The following CD320 variants were observed in gnomAD, a reference collection of about 807,000 sequenced individuals.
CD320 encodes the protein CD320 antigen.
A neutral mutation model predicts 22.1 loss-of-function variants in CD320; 16 were observed. That is an observed-to-expected ratio of 0.73 (90% CI 0.49 to 1.10). The LOEUF (loss-of-function observed/expected upper bound fraction) is 1.10, where lower values mean the gene tolerates loss of function less well. CD320 is among the 50% of genes least tolerant of loss of function. The probability of loss-of-function intolerance (pLI) is 0.00; values close to 1 mark genes in which losing one functional copy is unlikely to be tolerated. For synonymous variants in CD320, 188 were observed against 167.8 expected, an observed-to-expected ratio of 1.12 and a Z score of -0.93; for missense variants, 388 against 376.9, an observed-to-expected ratio of 1.03 and a Z score of -0.24.
chr19:8,302,588 G>A lies in CD320; in HGVS notation c.724C>T (p.Leu242=). 1 of 1,613,776 alleles carries A rather than the reference G, an allele frequency of 6.2e-7. No homozygotes were observed. Among genetic ancestry groups the A allele is most frequent in the South Asian group, 1.1e-5 (1 of 91,078 alleles). Residue 242 remains leucine (L), a synonymous_variant, in exon 5 of 5, where the codon CTG becomes TTG. Coordinates refer to ENST00000301458, the MANE Select transcript of CD320 (RefSeq NM_016579.4). The part of the protein sequence containing the change: ...IAAAAVLSAS[L]VTATLLLLSW... The stretch of plus-strand genomic sequence containing the variant: ...AAAAGGAGGAGGGTGGCGGTGACCA[G>A]GCTTGCACTGAGCACCGCTGTGGGG...
chr19:8,308,304 C>G lies in CD320; in HGVS notation c.-14G>C, dbSNP rs201418546. 5.5e-4 allele frequency: 874 copies of G among 1,583,948 alleles called. No homozygotes were observed. Among genetic ancestry groups the G allele is most frequent in the Non-Finnish European group, 7.0e-4 (824 of 1,172,332 alleles). ...ACCGCCGCTCATGCTGTCCCCACAGCGGCGCCGGCCACGCGCTGTCCAGAC... is the reference window on the plus strand; with the variant it reads ...ACCGCCGCTCATGCTGTCCCCACAGGGGCGCCGGCCACGCGCTGTCCAGAC... On this transcript the variant is annotated 5_prime_UTR_variant, in exon 1 of 5. Coordinates refer to ENST00000301458, the MANE Select transcript of CD320 (RefSeq NM_016579.4).
chr19:8,307,109 T>C (rs1309339774), intron 1 of CD320, among the ~76,000 whole-genome samples: 1 of 151,880 alleles, frequency 6.6e-6, no homozygotes, highest in Admixed American at 6.6e-5. Flanking sequence ...CTGGCCAACA[T>C]GGTGAAACCC....
intron 1 of CD320, among the ~76,000 whole-genome samples, chr19:8,307,291 A>AC (rs1970103717): frequency 6.6e-6 from 1 of 151,930 alleles, no homozygotes; most frequent in African/African-American, 2.4e-5. Context: ...TCAAAAAAAA[A>AC]AAAACAAAAA....
chr19:8,305,714 A>G (rs1463969333), intron 1 of CD320: 1 of 153,830 alleles, frequency 6.5e-6, no homozygotes, highest in Non-Finnish European at 1.4e-5. Flanking sequence ...ACCACAAAAA[A>G]GAAAAAAAAA....
At chr19:8,306,486 A>G (rs889795572) in intron 1 of CD320, among the ~76,000 whole-genome samples, 1 of 152,174 alleles carries the variant, frequency 6.6e-6, no homozygotes, top group African/African-American at 2.4e-5. Flanking sequence ...GGGACAGAGG[A>G]AGGGAGTGGC....
At chr19:8,307,612 T>A (rs1296625329) in intron 1 of CD320, among the ~76,000 whole-genome samples, 1 of 152,036 alleles carries the variant, frequency 6.6e-6, no homozygotes, top group East Asian at 1.9e-4. Context: ...ATATTCAACT[T>A]GTGACCCCAG....
chr19:8,308,119 T>A (rs939814644), intron 1 of CD320, 30 bp downstream of exon 1: 1 of 1,466,188 alleles, frequency 6.8e-7, no homozygotes, highest in Non-Finnish European at 8.9e-7. Flanking sequence ...TCGCGAGGGG[T>A]GGGAGCCCGC....
rs778887130 is a variant in CD320, at chr19:8,302,828, C to A, written c.655G>T (p.Ala219Ser). The A allele has an allele frequency of 3.1e-6, 5 of 1,614,114 alleles. No homozygotes were observed. Among genetic ancestry groups the A allele is most frequent in the Non-Finnish European group, 4.2e-6 (5 of 1,179,996 alleles). ...PSVGNATSSSAGDQSGSPTAY... is the reference protein window; with the variant it reads ...PSVGNATSSSSGDQSGSPTAY... ...GTTGGGCTTCCAGACTGGTCTCCGG[C>A]AGAGGAGGATGTGGCATTCCCGACA... Residue 219 changes from alanine (A) to serine (S), a missense_variant, in exon 4 of 5, where the codon GCC becomes TCC. Transcript: ENST00000301458.
Position 8,308,258 on chromosome 19 carries a change from C to A in CD320, c.33G>T (p.Ala11=), listed in dbSNP as rs968474958. 3.4e-5 allele frequency: 54 copies of A among 1,583,716 alleles called. No homozygotes were observed. The highest frequency in any genetic ancestry group is 4.5e-5 in the Non-Finnish European group (53 of 1,171,278). The change falls in exon 1 of 5, where the codon GCG becomes GCT. Residue 11 remains alanine, a synonymous_variant. Coordinates refer to ENST00000301458, the MANE Select transcript of CD320 (RefSeq NM_016579.4). MSGGWMAQVG[A]WRTGALGLAL... The stretch of plus-strand genomic sequence containing the variant: ...CCAGGCCCAGAGCCCCTGTTCGCCA[C>A]GCTCCAACCTGCGCCATCCAACCGC...
rs560667239 is a variant in CD320, at chr19:8,307,295, A to C, written c.142+854T>G. Reference sequence around the variant, plus strand: ...CAGAGGGAGACTCAAAAAAAAAAAAACAAAAACTTTTGTACTTGGTTAACG... The same window carrying C: ...CAGAGGGAGACTCAAAAAAAAAAAACCAAAAACTTTTGTACTTGGTTAACG... On this transcript the variant is annotated intron_variant, in intron 1 of 4. Transcript: ENST00000301458. 7.0e-3 allele frequency among the ~76,000 whole-genome samples: 1,054 copies of C among 151,152 alleles called. 23 individuals are homozygous for C. Among genetic ancestry groups the C allele is most frequent in the African/African-American group, 0.024 (992 of 40,772 alleles).
Position 8,302,530 on chromosome 19 carries a change from G to A in CD320, c.782C>T (p.Pro261Leu), listed in dbSNP as rs747832157. Residue 261 changes from proline to leucine, a missense_variant, in exon 5 of 5, where the codon CCA (proline) becomes CTA (leucine). By Grantham distance (98) the Pro-to-Leu change is moderately conservative. Coordinates refer to ENST00000301458, the MANE Select transcript of CD320 (RefSeq NM_016579.4). ...CTTCATGGCCACCAGTAACCCCAGT[G>A]GGCGGAGGCGCTCCTGGGCTCGGAG... is the stretch of plus-strand genomic sequence containing the variant. Reference protein sequence around the residue: ...SWLRAQERLRPLGLLVAMKES... With the variant: ...SWLRAQERLRLLGLLVAMKES... 4 of 1,614,028 alleles carry A rather than the reference G, an allele frequency of 2.5e-6. No individual in the cohort carries two copies. Among genetic ancestry groups the A allele is most frequent in the Admixed American group, 3.3e-5 (2 of 60,020 alleles).
intron 1 of CD320, among the ~76,000 whole-genome samples, chr19:8,307,002 G>GA (rs970697913): frequency 3.4e-4 from 51 of 152,026 alleles, no homozygotes; most frequent in Admixed American, 3.3e-4. Context: ...AACATCCTGA[G>GA]AAAAAAGAGA....
intron 1 of CD320, 93 bp downstream of exon 1, chr19:8,308,056 T>A (rs1970120278): frequency 1.6e-6 from 2 of 1,239,152 alleles, no homozygotes; most frequent in Non-Finnish European, 2.1e-6. Flanking sequence ...TGAACTGACG[T>A]GCGGTGCAGC....
chr19:8,302,666 C>G (rs1970026519), intron 4 of CD320, 61 bp from the exon 5 acceptor site: 1 of 1,606,942 alleles, frequency 6.2e-7, no homozygotes, highest in African/African-American at 1.3e-5. Context: ...CCACACCCAC[C>G]AAGCTCCATA....
At position 8,308,258 on chromosome 19, in the gene CD320, C is replaced by T. The variant is rs968474958; in HGVS notation, c.33G>A (p.Ala11=). Residue 11 remains alanine (A), a synonymous_variant, in exon 1 of 5, where the codon GCG becomes GCA. Transcript: ENST00000301458. ...CCAGGCCCAGAGCCCCTGTTCGCCA[C>T]GCTCCAACCTGCGCCATCCAACCGC... The part of the protein sequence containing the change: MSGGWMAQVG[A]WRTGALGLAL... The T allele has an allele frequency of 1.3e-6, 2 of 1,583,836 alleles. No individual in the cohort carries two copies. Among genetic ancestry groups the T allele is most frequent in the East Asian group, 4.6e-5 (2 of 43,950 alleles).
intron 3 of CD320, 41 bp from the exon 4 acceptor site, chr19:8,303,021 C>A (rs545972688): frequency 1.3e-5 from 21 of 1,576,116 alleles, no homozygotes; most frequent in Non-Finnish European, 1.7e-5. Flanking sequence ...GGAGAGAGCA[C>A]TGAAGGCGTG....
In CD320 at chr19:8,304,099, G is replaced by C; in HGVS notation, c.269-11C>G. On this transcript the variant is annotated splice_polypyrimidine_tract_variant and intron_variant, in intron 2 of 4. Coordinates refer to ENST00000301458, the MANE Select transcript of CD320 (RefSeq NM_016579.4). Reference sequence around the variant, plus strand: ...TACATGGCTCAATCCCTGGGGCACAGGGTTGGTCAGGTCCCAAATGCCCAC... The same window carrying C: ...TACATGGCTCAATCCCTGGGGCACACGGTTGGTCAGGTCCCAAATGCCCAC... 7.0e-7 allele frequency: 1 copy of C among 1,428,890 alleles called. No homozygotes were observed. The highest frequency in any genetic ancestry group is 9.7e-7 in the Non-Finnish European group (1 of 1,035,272). 88.5% of individuals were successfully genotyped at this position (1,428,890 alleles called of 1,614,324 possible).
intron 4 of CD320, 85 bp downstream of exon 4, chr19:8,302,692 G>A: frequency 1.2e-6 from 2 of 1,601,626 alleles, no homozygotes; most frequent in Non-Finnish European, 8.6e-7. Flanking sequence ...GGGGATGGGA[G>A]TTCTGCAGCT....
chr19:8,304,969 C>T, intron 2 of CD320, 62 bp downstream of exon 2: 8 of 1,587,530 alleles, frequency 5.0e-6, no homozygotes, highest in Non-Finnish European at 6.0e-6. Context: ...GTGCCTGGCC[C>T]CTGACAAACC....
Sources: allele counts gnomAD v4.1 joint callset (sites outside exome capture counted in the v4.1 genomes callset), GRCh38; gene constraint gnomAD v4.1.1; transcripts MANE v1.5; gene names NCBI Gene and HGNC (gene_info 2026-07-23, HGNC 2026-07-21).